Variants in DPP10 observed in about 807,000 individuals in gnomAD.
DPP10 encodes dipeptidyl peptidase like 10.
Under a neutral mutation model 120.9 loss-of-function variants are expected in DPP10, and 33 were observed. That is an observed-to-expected ratio of 0.27 (90% CI 0.21 to 0.37). The LOEUF (loss-of-function observed/expected upper bound fraction) is 0.37. Ranked by LOEUF, DPP10 falls within the 10% of genes least tolerant of loss-of-function variation. DPP10 has a pLI of 1.00. For synonymous variants in DPP10, 337 were observed against 326.1 expected (o/e 1.03, Z -0.36); for missense variants, 816 against 942.8 (o/e 0.87, Z 1.76).
chr2:115,068,585 G>A (rs1187529374), intron 1 of DPP10, among the ~76,000 whole-genome samples: 1 of 151,988 alleles, frequency 6.6e-6, no homozygotes, highest in Non-Finnish European at 1.5e-5. Context: ...AATCCCATTT[G>A]TCTATTTTTG....
chr2:114,494,180 T>G (rs1380436211), intron 1 of DPP10, among the ~76,000 whole-genome samples: 1 of 150,726 alleles, frequency 6.6e-6, no homozygotes, highest in Non-Finnish European at 1.5e-5. Flanking sequence ...GCAGACTGCC[T>G]GAGTTCAGAT....
chr2:115,410,267 T>C (rs1175937191), intron 3 of DPP10, among the ~76,000 whole-genome samples: 1 of 152,172 alleles, frequency 6.6e-6, no homozygotes, highest in African/African-American at 2.4e-5. Flanking sequence ...TAAGAAAACG[T>C]AATACATATA....
At chr2:115,058,697 G>A (rs115225301) in intron 1 of DPP10, among the ~76,000 whole-genome samples, 2,727 of 152,152 alleles carry the variant, frequency 0.018, 79 homozygotes, top group African/African-American at 0.063. Context: ...TACCGTGCCC[G>A]GCCTCTTTGT....
chr2:114,914,947 C>T (rs370520886), intron 1 of DPP10, among the ~76,000 whole-genome samples: 10 of 151,856 alleles, frequency 6.6e-5, no homozygotes, highest in Non-Finnish European at 4.4e-5. Flanking sequence ...CCGGCTAAAA[C>T]GGTGAAACCC....
chr2:115,763,042 C>T (rs1332426440), intron 12 of DPP10, among the ~76,000 whole-genome samples: 1 of 152,126 alleles, frequency 6.6e-6, no homozygotes. Context: ...TAGTTTGTGA[C>T]ATAAATGAGG....
chr2:114,840,375 C>G (rs890661843), intron 1 of DPP10, among the ~76,000 whole-genome samples: 1 of 152,012 alleles, frequency 6.6e-6, no homozygotes, highest in Non-Finnish European at 1.5e-5. Flanking sequence ...TTCCGTTTGG[C>G]CTGTTCTCTT....
At chr2:115,226,662 G>A (rs1232467536) in intron 1 of DPP10, among the ~76,000 whole-genome samples, 1 of 152,126 alleles carries the variant, frequency 6.6e-6, no homozygotes, top group Non-Finnish European at 1.5e-5. Flanking sequence ...GCACTTCTAT[G>A]TATAACAGTG....
At chr2:115,515,324 G>A (rs1162265574) in intron 4 of DPP10, among the ~76,000 whole-genome samples, 1 of 152,002 alleles carries the variant, frequency 6.6e-6, no homozygotes, top group African/African-American at 2.4e-5. Flanking sequence ...CACCAATAGT[G>A]TATGATACTC....
chr2:115,273,870 A>G (rs2105827385), intron 1 of DPP10, among the ~76,000 whole-genome samples: 1 of 152,332 alleles, frequency 6.6e-6, no homozygotes, highest in Admixed American at 6.5e-5. Flanking sequence ...AACGCTAATA[A>G]TAATGCCATG....
intron 25 of DPP10, 84 bp from the exon 26 acceptor site, chr2:115,842,127 C>T (rs1328898278): frequency 1.4e-5 from 19 of 1,368,986 alleles, no homozygotes; most frequent in Non-Finnish European, 1.8e-5. Context: ...TCAAAGTTTC[C>T]ATGACGTTAG....
intron 1 of DPP10, among the ~76,000 whole-genome samples, chr2:115,102,373 T>TTAATGTTAATAATAATAATAA (rs2048731441): frequency 1.3e-5 from 2 of 151,770 alleles, no homozygotes; most frequent in Non-Finnish European, 2.9e-5. Flanking sequence ...TAACATTCAG[T>TTAATGTTAATAATAATAATAA]TAATAACATG....
At chr2:114,600,654 G>A (rs536612203) in intron 1 of DPP10, among the ~76,000 whole-genome samples, 41 of 151,908 alleles carry the variant, frequency 2.7e-4, no homozygotes, top group Middle Eastern at 6.8e-3. Context: ...ATATGCCTTG[G>A]CATCATTAAT....
At chr2:115,453,820 A>G (rs1375686542) in intron 3 of DPP10, among the ~76,000 whole-genome samples, 2 of 151,586 alleles carry the variant, frequency 1.3e-5, no homozygotes, top group African/African-American at 4.8e-5. Context: ...TTAATTCTTT[A>G]AAAAGACCAA....
At chr2:115,711,922 T>G (rs2092330964) in intron 7 of DPP10, among the ~76,000 whole-genome samples, 1 of 148,190 alleles carries the variant, frequency 6.7e-6, no homozygotes, top group South Asian at 2.2e-4. Flanking sequence ...TCTGGTTTTT[T>G]TTTTTTTTTT....
At chr2:115,183,778 G>C (rs988046343) in intron 1 of DPP10, among the ~76,000 whole-genome samples, 2 of 152,166 alleles carry the variant, frequency 1.3e-5, no homozygotes, top group Non-Finnish European at 1.5e-5. Flanking sequence ...AAAATCTAGA[G>C]TGAGTTGATG....
intron 1 of DPP10, among the ~76,000 whole-genome samples, chr2:114,667,611 T>G (rs1487929022): frequency 6.6e-6 from 1 of 152,184 alleles, no homozygotes; most frequent in African/African-American, 2.4e-5. Context: ...TTGAGATCCT[T>G]TGTGGAATAT....
intron 4 of DPP10, among the ~76,000 whole-genome samples, chr2:115,511,900 T>TA (rs1321602164): frequency 2.0e-5 from 3 of 151,336 alleles, no homozygotes; most frequent in Admixed American, 6.6e-5. Flanking sequence ...CTAATTTTTT[T>TA]AAAAAAAGTT....
intron 1 of DPP10, among the ~76,000 whole-genome samples, chr2:114,703,699 A>C (rs1700518149): frequency 6.6e-6 from 1 of 152,176 alleles, no homozygotes; most frequent in African/African-American, 2.4e-5. Context: ...AGTATACCAA[A>C]TCTGAAGTCC....
chr2:115,083,673 C>T (rs1374690672), intron 1 of DPP10, among the ~76,000 whole-genome samples: 1 of 152,150 alleles, frequency 6.6e-6, no homozygotes, highest in Non-Finnish European at 1.5e-5. Flanking sequence ...AGTTATTAAA[C>T]AACAACTTTC....
Sources: allele counts gnomAD v4.1 joint callset (sites outside exome capture counted in the v4.1 genomes callset), GRCh38; gene constraint gnomAD v4.1.1; transcripts MANE v1.5; gene names NCBI Gene and HGNC (gene_info 2026-07-23, HGNC 2026-07-21).